The following TMEM132B variants were observed in gnomAD, a reference collection of about 807,000 sequenced individuals.
The protein encoded by TMEM132B is transmembrane protein 132B.
TMEM132B carries 18 observed loss-of-function variants against 90.8 expected under a neutral mutation model. The observed-to-expected ratio is 0.20, with a 90% confidence interval of 0.14 to 0.29. The LOEUF is 0.29. Among genes scored for constraint, TMEM132B ranks in the 10% least tolerant of loss-of-function variants. The pLI is 1.00. For missense variants in TMEM132B, 1,096 were observed against 1,326.8 expected (o/e 0.83, Z 2.70); for synonymous variants, 504 against 523.3 (o/e 0.96, Z 0.50).
At chr12:125,487,060 A>T (rs1882222693) in intron 3 of TMEM132B, among the ~76,000 whole-genome samples, 1 of 152,192 alleles carries the variant, frequency 6.6e-6, no homozygotes, top group African/African-American at 2.4e-5. Context: ...CTGCTTGAGA[A>T]CAGAAGGTCT....
chr12:125,305,528 G>A (rs558898051), intron 1 of TMEM132B, among the ~76,000 whole-genome samples: 86 of 152,094 alleles, frequency 5.7e-4, no homozygotes, highest in Admixed American at 1.4e-3. Flanking sequence ...ATGGCATCGC[G>A]GACAGTTAAT....
intron 1 of TMEM132B, among the ~76,000 whole-genome samples, chr12:125,260,926 G>GTGTA (rs1438729214): frequency 6.6e-6 from 1 of 150,834 alleles, no homozygotes; most frequent in Non-Finnish European, 1.5e-5. Flanking sequence ...TACAGATTGT[G>GTGTA]TGTGTGTGTG....
intron 1 of TMEM132B, among the ~76,000 whole-genome samples, chr12:125,192,920 C>T (rs570198394): frequency 3.9e-5 from 6 of 152,270 alleles, no homozygotes; most frequent in Admixed American, 2.0e-4. Flanking sequence ...AAATGGGCGC[C>T]GAAATTCTCC....
At chr12:125,424,609 C>G in intron 3 of TMEM132B, among the ~76,000 whole-genome samples, 1 of 152,192 alleles carries the variant, frequency 6.6e-6, no homozygotes, top group East Asian at 1.9e-4. Flanking sequence ...AGACTCTAAT[C>G]TGGAGAAGGA....
At chr12:125,640,813 C>T (rs763032866) in intron 5 of TMEM132B, among the ~76,000 whole-genome samples, 5 of 152,040 alleles carry the variant, frequency 3.3e-5, no homozygotes, top group Admixed American at 2.0e-4. Context: ...GAGAGTGTTG[C>T]GGCAATGAGG....
chr12:125,303,078 A>G (rs1430548916), intron 1 of TMEM132B, among the ~76,000 whole-genome samples: 4 of 152,126 alleles, frequency 2.6e-5, no homozygotes, highest in Non-Finnish European at 4.4e-5. Context: ...GCCTGGGGAC[A>G]GAGCGAGACT....
intron 1 of TMEM132B, among the ~76,000 whole-genome samples, chr12:125,296,237 G>A (rs1875669700): frequency 6.6e-6 from 1 of 152,188 alleles, no homozygotes; most frequent in Non-Finnish European, 1.5e-5. Flanking sequence ...TTCTGCCTAT[G>A]CCCTGCTCTG....
chr12:125,238,745 G>T (rs1253252277), intron 1 of TMEM132B, among the ~76,000 whole-genome samples: 1 of 152,202 alleles, frequency 6.6e-6, no homozygotes, highest in Non-Finnish European at 1.5e-5. Flanking sequence ...GACCTGTATT[G>T]ATTTATTTCC....
At position 125,239,737 on chromosome 12, in the gene TMEM132B, G is replaced by A. The variant is rs145435766; in HGVS notation, c.67+52871G>A. 3.1e-4 allele frequency among the ~76,000 whole-genome samples: 47 copies of A among 152,310 alleles called. 3 individuals carry two copies. The East Asian group carries it at 8.7e-3, about 28-fold the overall frequency. ...AGGGCTACCCTCTGCTCATCCTCCC[G>A]GCGAGCGCTGCCGTGGAGGTGCCCG... On this transcript the variant is annotated intron_variant, in intron 1 of 8. Coordinates refer to ENST00000682704, the MANE Select transcript of TMEM132B (RefSeq NM_001366854.1).
At chr12:125,471,174 G>A (rs1163586257) in intron 3 of TMEM132B, among the ~76,000 whole-genome samples, 3 of 152,240 alleles carry the variant, frequency 2.0e-5, no homozygotes, top group Non-Finnish European at 2.9e-5. Flanking sequence ...GGGATTTGCC[G>A]AGTGGAATAT....
At chr12:125,305,359 G>A (rs1431888726) in intron 1 of TMEM132B, among the ~76,000 whole-genome samples, 1 of 151,266 alleles carries the variant, frequency 6.6e-6, no homozygotes, top group Non-Finnish European at 1.5e-5. Context: ...CGTAACTAAA[G>A]TTCTGATGGG....
At chr12:125,219,525 A>G (rs1873513395) in intron 1 of TMEM132B, among the ~76,000 whole-genome samples, 1 of 152,166 alleles carries the variant, frequency 6.6e-6, no homozygotes, top group African/African-American at 2.4e-5. Flanking sequence ...CTGGATCCCC[A>G]GAGCTGGATC....
chr12:125,380,229 T>C (rs1361024298), intron 2 of TMEM132B, among the ~76,000 whole-genome samples: 1 of 152,170 alleles, frequency 6.6e-6, no homozygotes, highest in Non-Finnish European at 1.5e-5. Flanking sequence ...TGGTGGTGGC[T>C]GGCAATTCTT....
chr12:125,558,145 G>A (rs1884436915), intron 4 of TMEM132B, among the ~76,000 whole-genome samples: 1 of 152,174 alleles, frequency 6.6e-6, no homozygotes, highest in Admixed American at 6.5e-5. Context: ...TCCTCTTGGT[G>A]CCTTTCTCAG....
intron 2 of TMEM132B, among the ~76,000 whole-genome samples, chr12:125,371,410 G>C (rs1251160144): frequency 6.6e-6 from 1 of 152,156 alleles, no homozygotes; most frequent in African/African-American, 2.4e-5. Context: ...AGGGACCCGG[G>C]GTGTCAGGGG....
At chr12:125,404,255 C>T (rs1041571052) in intron 2 of TMEM132B, among the ~76,000 whole-genome samples, 2 of 152,048 alleles carry the variant, frequency 1.3e-5, no homozygotes, top group African/African-American at 4.8e-5. Context: ...GTCCTTTGGG[C>T]CCAAAGGATT....
chr12:125,305,347 C>T (rs1875930382), intron 1 of TMEM132B, among the ~76,000 whole-genome samples: 2 of 150,920 alleles, frequency 1.3e-5, no homozygotes, highest in South Asian at 4.2e-4. Flanking sequence ...TCAGCCGGAG[C>T]TCGTAACTAA....
At chr12:125,339,728 T>C (rs1593093021) in intron 1 of TMEM132B, among the ~76,000 whole-genome samples, 1 of 152,120 alleles carries the variant, frequency 6.6e-6, no homozygotes, top group East Asian at 1.9e-4. Context: ...GGAGCAAAGT[T>C]ACACGCTGAG....
At chr12:125,494,411 C>A (rs1882461818) in intron 3 of TMEM132B, among the ~76,000 whole-genome samples, 1 of 138,634 alleles carries the variant, frequency 7.2e-6, no homozygotes, top group Non-Finnish European at 1.5e-5. Context: ...ATGCATGCCT[C>A]CTCCCCCTCC....
Sources: allele counts gnomAD v4.1 joint callset (sites outside exome capture counted in the v4.1 genomes callset), GRCh38; gene constraint gnomAD v4.1.1; transcripts MANE v1.5; gene names NCBI Gene and HGNC (gene_info 2026-07-23, HGNC 2026-07-21).